Variants in UNC79 observed in about 807,000 individuals in gnomAD.
The protein encoded by UNC79 is unc-79 subunit of NALCN channel complex.
A neutral mutation model predicts 283.1 loss-of-function variants in UNC79; 37 were observed. That is an observed-to-expected ratio of 0.13 (90% CI 0.10 to 0.17). The LOEUF is 0.17. UNC79 is among the 10% of genes least tolerant of loss of function. The pLI, the probability that UNC79 is intolerant of heterozygous loss-of-function variation, is 1.00. For missense variants in UNC79, 2,272 were observed against 3,211.1 expected (o/e 0.71, Z 7.07); for synonymous variants, 1,107 against 1,200.2 (o/e 0.92, Z 1.61).
chr14:93,666,626 GC>G (rs2072231214), intron 40 of UNC79, among the ~76,000 whole-genome samples: 1 of 151,968 alleles, frequency 6.6e-6, no homozygotes, highest in African/African-American at 2.4e-5. Context: ...AATATAATAG[GC>G]TTACAAAGAT....
At chr14:93,445,738 G>C (rs984499497) in intron 1 of UNC79, among the ~76,000 whole-genome samples, 2 of 152,108 alleles carry the variant, frequency 1.3e-5, no homozygotes, top group African/African-American at 4.8e-5. Context: ...AGAGCCTGGA[G>C]GTTCTTTTTT....
In UNC79 at chr14:93,670,009, A is replaced by G. The variant is rs559620892; in HGVS notation, c.6637-3342A>G. 2.0e-5 allele frequency among the ~76,000 whole-genome samples: 3 copies of G among 152,308 alleles called. No homozygotes were observed. The East Asian group carries it at 5.8e-4, about 29-fold the overall frequency. On this transcript the variant is annotated intron_variant, in intron 40 of 48. Transcript: ENST00000555664. ...ACCCCACAGGGACTCTACTTATTTGATTATGAAAGGATTAAGATACACAGG... is the reference window on the plus strand; with the variant it reads ...ACCCCACAGGGACTCTACTTATTTGGTTATGAAAGGATTAAGATACACAGG...
intron 8 of UNC79, among the ~76,000 whole-genome samples, chr14:93,525,066 T>C (rs1323224681): frequency 6.6e-6 from 1 of 152,216 alleles, no homozygotes; most frequent in Non-Finnish European, 1.5e-5. Context: ...GTCATCTAGA[T>C]ACATTATACT....
intron 32 of UNC79, among the ~76,000 whole-genome samples, chr14:93,639,612 C>T (rs572204214): frequency 6.6e-6 from 1 of 152,242 alleles, no homozygotes; most frequent in African/African-American, 2.4e-5. Context: ...AATTTGGATT[C>T]CCATTTGGGA....
At chr14:93,364,850 A>G (rs2054297320) in intron 1 of UNC79, among the ~76,000 whole-genome samples, 1 of 151,908 alleles carries the variant, frequency 6.6e-6, no homozygotes, top group South Asian at 2.1e-4. Flanking sequence ...TACAACTATA[A>G]TAGGTGCCAC....
At chr14:93,692,471 G>T (rs2074772517) in intron 46 of UNC79, among the ~76,000 whole-genome samples, 1 of 152,168 alleles carries the variant, frequency 6.6e-6, no homozygotes, top group Admixed American at 6.5e-5. Flanking sequence ...AATGTCAGAG[G>T]GTTAGGAGTG....
intron 35 of UNC79, among the ~76,000 whole-genome samples, chr14:93,649,178 T>C (rs896376974): frequency 3.3e-5 from 5 of 152,334 alleles, no homozygotes; most frequent in Middle Eastern, 3.4e-3. Flanking sequence ...TATGATAGCA[T>C]AACTGTAGCA....
intron 41 of UNC79, among the ~76,000 whole-genome samples, chr14:93,678,911 C>G (rs533021530): frequency 1.3e-5 from 2 of 152,226 alleles, no homozygotes; most frequent in East Asian, 3.9e-4. Flanking sequence ...ATTGTTGATC[C>G]CCAGGGCATA....
intron 4 of UNC79, among the ~76,000 whole-genome samples, chr14:93,479,632 C>T (rs947180093): frequency 6.6e-6 from 1 of 152,068 alleles, no homozygotes; most frequent in Non-Finnish European, 1.5e-5. Context: ...CTCTCTCTCT[C>T]TCTCTTTTCT....
chr14:93,373,780 C>T (rs530609700), intron 1 of UNC79, among the ~76,000 whole-genome samples: 1 of 152,010 alleles, frequency 6.6e-6, no homozygotes, highest in Non-Finnish European at 1.5e-5. Context: ...CTAATAAAGC[C>T]AGACAAAAAC....
At chr14:93,333,301 T>C (rs2053497157) in exon 1 of UNC79, 1 of 389,932 alleles carries the variant, frequency 2.6e-6, no homozygotes, top group East Asian at 3.7e-5. Context: ...GTCCAGCGAA[T>C]TGTGACACAT....
At chr14:93,374,436 C>T (rs2054514768) in intron 1 of UNC79, among the ~76,000 whole-genome samples, 1 of 152,220 alleles carries the variant, frequency 6.6e-6, no homozygotes, top group African/African-American at 2.4e-5. Flanking sequence ...GGGTTTCCGA[C>T]TTGCTTGGGG....
intron 41 of UNC79, among the ~76,000 whole-genome samples, chr14:93,675,392 A>G (rs1378942075): frequency 1.3e-5 from 2 of 152,158 alleles, no homozygotes; most frequent in Non-Finnish European, 2.9e-5. Flanking sequence ...GGGGAAACAG[A>G]AGAATCAGCC....
chr14:93,485,889 T>C (rs557611590), intron 4 of UNC79, among the ~76,000 whole-genome samples: 3 of 152,336 alleles, frequency 2.0e-5, no homozygotes, highest in African/African-American at 7.2e-5. Context: ...CTGTCTACTT[T>C]GGTGCCCAAA....
intron 1 of UNC79, among the ~76,000 whole-genome samples, chr14:93,406,962 T>G (rs1171337050): frequency 6.6e-6 from 1 of 152,106 alleles, no homozygotes; most frequent in Non-Finnish European, 1.5e-5. Context: ...CCCTAGATAG[T>G]CTAGGGAGGA....
Position 93,690,389 on chromosome 14 carries a change from A to C in UNC79, c.7272+86A>C. 1 of 1,441,254 alleles carries C rather than the reference A, an allele frequency of 6.9e-7. No homozygotes were observed. The highest frequency in any genetic ancestry group is 9.4e-7 in the Non-Finnish European group (1 of 1,063,732). 89.3% of individuals were successfully genotyped at this position (1,441,254 alleles called of 1,614,324 possible). On this transcript the variant is annotated intron_variant, in intron 45 of 48. Coordinates refer to ENST00000555664, the Ensembl canonical transcript of UNC79. The surrounding 1 kb of genome is among the most constrained non-coding windows in gnomAD (Gnocchi z 4.3). ...AGCCAATTATGTTTCTTCTGAGAAG[A>C]AAATACATCTTATCATTTGCCCTCC...
chr14:93,551,324 C>G (rs1013325084), intron 14 of UNC79, among the ~76,000 whole-genome samples: 1 of 152,234 alleles, frequency 6.6e-6, no homozygotes, highest in East Asian at 1.9e-4. Context: ...GCTGGGATTA[C>G]AGGCGTAAGC....
downstream of UNC79, chr14:93,707,332 C>T (rs180869225): frequency 1.2e-3 from 185 of 157,048 alleles, 2 homozygotes; most frequent in Non-Finnish European, 4.8e-4. Context: ...AAACCGTCAC[C>T]ATAAGCCAGT....
intron 48 of UNC79, among the ~76,000 whole-genome samples, chr14:93,705,038 C>A (rs1326652861): frequency 6.6e-6 from 1 of 152,078 alleles, no homozygotes; most frequent in Admixed American, 6.5e-5. Context: ...AGTTGGAGAT[C>A]AGCCTGGGCA....
Sources: gnomAD v4.1 joint callset for allele counts (sites outside exome capture counted in the v4.1 genomes callset) on GRCh38, gnomAD v4.1.1 for gene constraint, Gnocchi (gnomAD v3.1) non-coding constraint, MANE v1.5 for transcripts, NCBI Gene and HGNC (gene_info 2026-07-23, HGNC 2026-07-21) for gene names.